The following ACAP2 variants were observed in gnomAD, a reference collection of about 807,000 sequenced individuals.
ACAP2 encodes ArfGAP with coiled-coil, ankyrin repeat and PH domains 2.
A neutral mutation model predicts 115.8 loss-of-function variants in ACAP2; 39 were observed. The ratio of observed to expected loss-of-function variants is 0.34; its 90% CI spans 0.26 to 0.44. ACAP2 has a LOEUF of 0.44. Among genes scored for constraint, ACAP2 ranks in the 20% least tolerant of loss-of-function variants. The pLI, the probability that ACAP2 is intolerant of heterozygous loss-of-function variation, is 1.00. For missense variants in ACAP2, 662 were observed against 927.6 expected (o/e 0.71, Z 3.72); for synonymous variants, 289 against 315.8 (o/e 0.92, Z 0.90).
intron 1 of ACAP2, among the ~76,000 whole-genome samples, chr3:195,433,569 G>A (rs1471548453): frequency 6.6e-6 from 1 of 152,156 alleles, no homozygotes; most frequent in Non-Finnish European, 1.5e-5. Context: ...TATGATGTTA[G>A]CTGAGGGTGT....
chr3:195,373,904 G>A (rs1279987780), intron 4 of ACAP2, among the ~76,000 whole-genome samples: 1 of 152,124 alleles, frequency 6.6e-6, no homozygotes, highest in African/African-American at 2.4e-5. Context: ...CAGGGCAACA[G>A]AGCAAGACTC....
intron 10 of ACAP2, among the ~76,000 whole-genome samples, chr3:195,309,804 A>C (rs555570671): frequency 2.6e-5 from 4 of 152,314 alleles, no homozygotes; most frequent in African/African-American, 9.6e-5. Flanking sequence ...GGTTCTGCTC[A>C]TTACTGTAAA....
intron 22 of ACAP2, among the ~76,000 whole-genome samples, chr3:195,281,224 T>C (rs1029218556): frequency 6.6e-6 from 1 of 151,940 alleles, no homozygotes; most frequent in African/African-American, 2.4e-5. Context: ...GCTAACACGG[T>C]GAAACCCCGT....
In ACAP2 at chr3:195,278,040, C is replaced by T. The variant is rs1419603324; in HGVS notation, c.*1288G>A. 1.3e-5 allele frequency: 2 copies of T among 149,150 alleles called. No homozygotes were observed. Among genetic ancestry groups the T allele is most frequent in the Non-Finnish European group, 3.0e-5 (2 of 67,692 alleles). 9.2% of individuals were successfully genotyped at this position (149,150 alleles called of 1,614,324 possible). On this transcript the variant is annotated 3_prime_UTR_variant, in exon 23 of 23. Transcript: ENST00000326793. ...AGGCTGCAGTGAGCTGAGATCGTGC[C>T]ACTGCACTCCAGCCTGGGTGACACA...
chr3:195,376,281 C>A (rs1733523383), intron 4 of ACAP2, among the ~76,000 whole-genome samples: 1 of 151,964 alleles, frequency 6.6e-6, no homozygotes, highest in Non-Finnish European at 1.5e-5. Context: ...GTAGTCCCAG[C>A]TACTCGGGAG....
chr3:195,275,409 G>C lies in ACAP2; in HGVS notation c.*3919C>G, dbSNP rs1207170995. ...ATTAAAATTACTTTTATAATGTTTT[G>C]CTTTCATTAATGTTTGTTATTGCAA... On this transcript the variant is annotated 3_prime_UTR_variant, in exon 23 of 23. Coordinates refer to ENST00000326793, the MANE Select transcript of ACAP2 (RefSeq NM_012287.6). The C allele has an allele frequency of 6.6e-6, 1 of 152,128 alleles. No homozygotes were observed. The highest frequency in any genetic ancestry group is 1.5e-5 in the Non-Finnish European group (1 of 68,014). The allele number at this position is 152,128 out of a possible 1,614,324, so 9.4% of individuals were successfully genotyped here.
At chr3:195,287,740 G>C (rs976089691) in intron 21 of ACAP2, among the ~76,000 whole-genome samples, 1 of 152,060 alleles carries the variant, frequency 6.6e-6, no homozygotes, top group Non-Finnish European at 1.5e-5. Flanking sequence ...TCTAATTCTC[G>C]AGGTAGTAGA....
chr3:195,442,188 C>T (rs1560378329), intron 1 of ACAP2: 1 of 152,822 alleles, frequency 6.5e-6, no homozygotes, highest in Non-Finnish European at 1.5e-5. Context: ...CACAGCGCTT[C>T]CCCCCGCGAT....
chr3:195,324,864 G>GT (rs1729672239), intron 9 of ACAP2, among the ~76,000 whole-genome samples: 1 of 152,046 alleles, frequency 6.6e-6, no homozygotes, highest in Non-Finnish European at 1.5e-5. Flanking sequence ...AGCATCAACC[G>GT]TAAGACTGAT....
intron 13 of ACAP2, among the ~76,000 whole-genome samples, chr3:195,303,336 G>T (rs1289459300): frequency 6.6e-6 from 1 of 151,984 alleles, no homozygotes; most frequent in Admixed American, 6.6e-5. Context: ...TTAAACCCGG[G>T]AGGGGGCTAT....
chr3:195,336,730 C>T, intron 7 of ACAP2: 1 of 583,102 alleles, frequency 1.7e-6, no homozygotes, highest in Non-Finnish European at 3.0e-6. Context: ...CACAGTGTAT[C>T]AACAGATGAG....
At chr3:195,307,408 C>T (rs1728493979) in intron 11 of ACAP2, 85 bp from the exon 12 acceptor site, 2 of 783,416 alleles carry the variant, frequency 2.6e-6, no homozygotes, top group African/African-American at 1.7e-5. Flanking sequence ...TATTACTTGG[C>T]ATAACTGGTC....
chr3:195,310,385 T>C (rs913218371), intron 10 of ACAP2, among the ~76,000 whole-genome samples: 8 of 152,190 alleles, frequency 5.3e-5, no homozygotes, highest in Non-Finnish European at 1.0e-4. Flanking sequence ...TTGGGACAGA[T>C]AGTTGGTTAG....
intron 4 of ACAP2, among the ~76,000 whole-genome samples, chr3:195,358,753 G>A (rs1200033220): frequency 6.6e-6 from 1 of 151,978 alleles, no homozygotes; most frequent in Non-Finnish European, 1.5e-5. Flanking sequence ...TAAGAGTAAG[G>A]TAGAAAGAGA....
chr3:195,442,744 C>T, intron 1 of ACAP2, 51 bp downstream of exon 1: 1 of 1,521,234 alleles, frequency 6.6e-7, no homozygotes, highest in Non-Finnish European at 8.8e-7. Context: ...TTCACGCCCC[C>T]AGCGCCGGGA....
chr3:195,438,720 C>G (rs1309691635), intron 1 of ACAP2, among the ~76,000 whole-genome samples: 1 of 152,044 alleles, frequency 6.6e-6, no homozygotes, highest in Non-Finnish European at 1.5e-5. Flanking sequence ...ATAATTCACC[C>G]ACAAACACCC....
intron 1 of ACAP2, among the ~76,000 whole-genome samples, chr3:195,401,045 T>TGTA (rs1712247202): frequency 6.6e-6 from 1 of 152,182 alleles, no homozygotes; most frequent in African/African-American, 2.4e-5. Flanking sequence ...AATTAACTAA[T>TGTA]TAATTAACTA....
rs765234326 is a variant in ACAP2, at chr3:195,300,044, CTTTTTTTTTT to C, written c.1395+1521_1395+1530del. 4.1e-4 allele frequency among the ~76,000 whole-genome samples: 14 copies of C among 34,364 alleles called. No homozygotes were observed. In the South Asian group the frequency reaches 4.5e-3, roughly 11 times the overall value. The allele number at this position is 34,364 out of a possible 152,430, so 22.5% of individuals were successfully genotyped here. On this transcript the variant is annotated intron_variant, in intron 15 of 22. Transcript: ENST00000326793. Reference sequence around the variant, plus strand: ...CCGTCTTTCTTTTTTCTTTTTTTTTCTTTTTTTTTTTTTTTTTTTTGAGACACAGTCTTCC... The same window carrying C: ...CCGTCTTTCTTTTTTCTTTTTTTTTCTTTTTTTTTTGAGACACAGTCTTCC...
At chr3:195,371,792 A>G (rs1303022116) in intron 4 of ACAP2, among the ~76,000 whole-genome samples, 1 of 152,086 alleles carries the variant, frequency 6.6e-6, no homozygotes, top group Non-Finnish European at 1.5e-5. Context: ...AGCTGGTTAT[A>G]TAGGTAATAC....
Sources: allele counts gnomAD v4.1 joint callset (sites outside exome capture counted in the v4.1 genomes callset), GRCh38; gene constraint gnomAD v4.1.1; transcripts MANE v1.5; gene names NCBI Gene and HGNC (gene_info 2026-07-23, HGNC 2026-07-21).